DUSP15: variants seen among roughly 807,000 people sequenced by gnomAD.
DUSP15 encodes the protein dual specificity phosphatase 15.
In DUSP15, 23 loss-of-function variants were observed where a neutral mutation model predicts 26.3. The observed-to-expected ratio is 0.87, with a 90% CI of 0.63 to 1.24. The LOEUF (loss-of-function observed/expected upper bound fraction) is 1.24, where lower values mean the gene tolerates loss of function less well. Among genes scored for constraint, DUSP15 ranks in the 50% most tolerant of loss-of-function variants. The pLI is 0.00. For synonymous variants in DUSP15, 143 were observed against 135.5 expected, an observed-to-expected ratio of 1.06 and a Z score of -0.39; for missense variants, 364 against 320.6, an observed-to-expected ratio of 1.14 and a Z score of -1.03.
At chr20:31,867,631 G>GTTTTTTTTTTTT (rs57662463) in intron 2 of DUSP15, among the ~76,000 whole-genome samples, 16 of 77,644 alleles carry the variant, frequency 2.1e-4, no homozygotes, top group African/African-American at 7.6e-4. Context: ...TGCCCACAAT[G>GTTTTTTTTTTTT]TTTTTTTTTT....
In DUSP15 at chr20:31,867,129, C is replaced by A; in HGVS notation, c.80G>T (p.Gly27Val). Residue 27 changes from glycine (G) to valine (V), a missense_variant, in exon 3 of 7, where the codon GGC becomes GTC. Coordinates refer to ENST00000339738, the MANE Select transcript of DUSP15 (RefSeq NM_080611.5). ...GATGATGTGTGTGATCTTATTTCGG[C>A]CCAGCTGATCCAGGTCTTTGGCATC... is the stretch of plus-strand genomic sequence containing the variant. ...FIDAKDLDQL[G>V]RNKITHIISI... 1 of 1,590,344 alleles carries A rather than the reference C, an allele frequency of 6.3e-7. No individual in the cohort carries two copies. The highest frequency in any genetic ancestry group is 2.3e-5 in the East Asian group (1 of 44,010).
downstream of DUSP15, among the ~76,000 whole-genome samples, chr20:31,847,175 C>T (rs549099910): frequency 3.9e-5 from 6 of 152,292 alleles, no homozygotes; most frequent in Admixed American, 3.9e-4. Flanking sequence ...TTCATTGCTT[C>T]TTTTGAATAG....
At chr20:31,856,026 T>C (rs2062555706) in intron 6 of DUSP15, among the ~76,000 whole-genome samples, 1 of 152,214 alleles carries the variant, frequency 6.6e-6, no homozygotes, top group African/African-American at 2.4e-5. Context: ...TGTGAGGTTT[T>C]GGTGCACCCA....
intron 3 of DUSP15, among the ~76,000 whole-genome samples, chr20:31,865,568 ACCTC>A (rs2062749066): frequency 6.6e-6 from 1 of 151,930 alleles, no homozygotes; most frequent in African/African-American, 2.4e-5. Flanking sequence ...CCTCCTGAGG[ACCTC>A]CTTGCTTTTC....
At chr20:31,861,038 G>A, downstream of DUSP15, 6 of 1,066,986 alleles carry the variant, frequency 5.6e-6, no homozygotes, top group Non-Finnish European at 6.8e-6. Flanking sequence ...CTGCTGCCCC[G>A]CCTTTGTTGA....
At chr20:31,849,648 C>T (rs1198616357) in intron 8 of DUSP15, 1 of 1,522,500 alleles carries the variant, frequency 6.6e-7, no homozygotes, top group South Asian at 1.2e-5. Flanking sequence ...ACACGCCCTC[C>T]GGAGCCACCC....
chr20:31,852,901 A>C (rs1387010504), intron 6 of DUSP15, among the ~76,000 whole-genome samples: 1 of 152,120 alleles, frequency 6.6e-6, no homozygotes, highest in Non-Finnish European at 1.5e-5. Context: ...GCAGAGTGGA[A>C]TCGTTTCTTC....
chr20:31,856,837 G>C (rs986565223), downstream of DUSP15, among the ~76,000 whole-genome samples: 6 of 152,022 alleles, frequency 3.9e-5, no homozygotes, highest in Non-Finnish European at 7.4e-5. Flanking sequence ...GGGAGCCCCA[G>C]TAGAGGAGGG....
At chr20:31,849,531 G>T in intron 8 of DUSP15, 1 of 863,628 alleles carries the variant, frequency 1.2e-6, no homozygotes. Context: ...TCCTCCAGCC[G>T]TCCTACCGCC....
intron 5 of DUSP15, 144 bp from the exon 6 acceptor site, chr20:31,862,886 C>G: frequency 2.4e-6 from 2 of 826,006 alleles, no homozygotes; most frequent in Non-Finnish European, 1.8e-6. Context: ...CATCCCACCT[C>G]CAGGCCTTTG....
chr20:31,850,650 G>C (rs1242925226), exon 7 of DUSP15: 1 of 1,611,828 alleles, frequency 6.2e-7, no homozygotes, highest in East Asian at 2.2e-5. Context: ...GGGCACCAGA[G>C]GTTTTTGAGG....
downstream of DUSP15, among the ~76,000 whole-genome samples, chr20:31,856,251 G>A (rs2062560854): frequency 6.6e-6 from 1 of 152,210 alleles, no homozygotes. Flanking sequence ...AGGAGCTACA[G>A]TTGGGGAGGG....
Position 31,870,420 on chromosome 20 carries a change from C to T in DUSP15, c.-83G>A. Reference sequence around the variant, plus strand: ...GTCACAGCTGCCCTGACGGCCCAGGCCCGACGCCTGCAGCCTGGCGGGGAA... The same window carrying T: ...GTCACAGCTGCCCTGACGGCCCAGGTCCGACGCCTGCAGCCTGGCGGGGAA... On this transcript the variant is annotated 5_prime_UTR_variant, in exon 1 of 7. Transcript: ENST00000339738. The surrounding 1 kb of genome is among the most constrained non-coding windows in gnomAD (Gnocchi z 6.6). The T allele has an allele frequency of 8.5e-6, 11 of 1,294,844 alleles. No individual in the cohort carries two copies. Among genetic ancestry groups the T allele is most frequent in the African/African-American group, 1.5e-5 (1 of 65,562 alleles). The allele number at this position is 1,294,844 out of a possible 1,614,324, so 80.2% of individuals were successfully genotyped here.
chr20:31,859,292 A>ATT (rs201609539), downstream of DUSP15, among the ~76,000 whole-genome samples: 14 of 89,234 alleles, frequency 1.6e-4, no homozygotes, highest in African/African-American at 5.8e-4. Flanking sequence ...ATGTCTATGC[A>ATT]TTTTTTTGGG....
chr20:31,870,576 C>T, upstream of DUSP15: 1 of 1,453,910 alleles, frequency 6.9e-7, no homozygotes, highest in Non-Finnish European at 9.0e-7. This position sits in a 1 kb window ranked among gnomAD's most constrained non-coding sequence, Gnocchi z 6.6. Context: ...CTCCTCCTAC[C>T]CCTTCGGTCA....
chr20:31,863,912 C>T lies in DUSP15; in HGVS notation c.258G>A (p.Val86=). 1 of 1,613,928 alleles carries T rather than the reference C, an allele frequency of 6.2e-7. No individual in the cohort carries two copies. Among genetic ancestry groups the T allele is most frequent in the East Asian group, 2.2e-5 (1 of 44,876 alleles). The part of the protein sequence containing the change: ...CCRLNGGNCL[V]HCFAGISRST... ...TCCCCCTCCGCTTAACTCACCAGTG[C>T]ACAAGGCAGTTCCCCCCATTAAGGC... The change falls in exon 5 of 7, where the codon GTG becomes GTA. Residue 86 remains valine (V), a synonymous_variant. Transcript: ENST00000339738.
Position 31,848,624 on chromosome 20 carries a change from C to T in DUSP15, c.727-59G>A, listed in dbSNP as rs868299582. On this transcript the variant is annotated intron_variant, in intron 9 of 9. Transcript: ENST00000278979. ...CTCCATTTCCCGCCTCGGATGTTCC[C>T]ATGGGAAGTCACAGCCCTAGTTACA... 13 of 1,490,778 alleles carry T rather than the reference C, an allele frequency of 8.7e-6. No individual in the cohort carries two copies. The South Asian group carries it at 1.6e-4, about 18-fold the overall frequency. The allele number at this position is 1,490,778 out of a possible 1,614,324, so 92.3% of individuals were successfully genotyped here.
intron 6 of DUSP15, chr20:31,850,679 G>C (rs2062454726): frequency 3.7e-6 from 6 of 1,610,632 alleles, no homozygotes; most frequent in Non-Finnish European, 5.1e-6. Flanking sequence ...CTGGCACCCT[G>C]GTGAAGGAGA....
chr20:31,869,270 C>G (rs549950717), intron 2 of DUSP15, among the ~76,000 whole-genome samples: 3 of 152,260 alleles, frequency 2.0e-5, no homozygotes, highest in East Asian at 1.9e-4. Flanking sequence ...GCCCAGGCCC[C>G]GAGCCCTTTG....
Sources: allele counts gnomAD v4.1 joint callset (sites outside exome capture counted in the v4.1 genomes callset), GRCh38; gene constraint gnomAD v4.1.1; non-coding constraint Gnocchi (gnomAD v3.1); transcripts MANE v1.5; gene names NCBI Gene and HGNC (gene_info 2026-07-23, HGNC 2026-07-21).